MACF1: variants seen among roughly 807,000 people sequenced by gnomAD.
MACF1 encodes microtubule-actin cross-linking factor 1.
A neutral mutation model predicts 854.8 loss-of-function variants in MACF1; 193 were observed. That is an observed-to-expected ratio of 0.23 (90% CI 0.20 to 0.25). The LOEUF is 0.25. Ranked by LOEUF, MACF1 falls within the 10% of genes least tolerant of loss-of-function variation. The pLI is 1.00. For missense variants in MACF1, 7,722 were observed against 8,929.1 expected (o/e 0.86, Z 5.45); for synonymous variants, 3,185 against 3,226.7 (o/e 0.99, Z 0.44).
At chr1:39,187,748 G>A (rs1240394189) in intron 2 of MACF1, among the ~76,000 whole-genome samples, 4 of 151,884 alleles carry the variant, frequency 2.6e-5, no homozygotes, top group African/African-American at 7.3e-5. Context: ...ATGAGATCTC[G>A]CTATGTTGCC....
At chr1:39,427,820 C>G in intron 62 of MACF1, 141 bp from the exon 63 acceptor site, 1 of 905,700 alleles carries the variant, frequency 1.1e-6, no homozygotes. Flanking sequence ...GCTTTTGTTC[C>G]CAATTTTTAT....
Position 39,388,437 on chromosome 1 carries a change from A to C in MACF1, c.15595A>C (p.Lys5199Gln). The change falls in exon 58 of 101, where the codon AAA becomes CAA. Residue 5199 changes from lysine to glutamine, a missense_variant. Physicochemically the swap from Lys to Gln is moderately conservative, Grantham distance 53 (BLOSUM62 1). This residue lies in a region of MACF1 where 2,807 missense variants were observed against 3,235.8 expected (regional missense o/e 0.87). Transcript: ENST00000564288. ...EEGTLDLLGLKRELEALNKQC... is the reference protein window; with the variant it reads ...EEGTLDLLGLQRELEALNKQC... Reference sequence around the variant, plus strand: ...GGGGACTCTGGATTTGTTAGGTCTCAAAAGGGAGCTAGAAGCCCTGAACAA... The same window carrying C: ...GGGGACTCTGGATTTGTTAGGTCTCCAAAGGGAGCTAGAAGCCCTGAACAA... The C allele has an allele frequency of 1.2e-6, 2 of 1,614,114 alleles. No homozygotes were observed. The highest frequency in any genetic ancestry group is 4.5e-5 in the East Asian group (2 of 44,886).
chr1:39,170,457 A>G (rs1408827528), intron 2 of MACF1, among the ~76,000 whole-genome samples: 1 of 152,202 alleles, frequency 6.6e-6, no homozygotes, highest in African/African-American at 2.4e-5. Flanking sequence ...CCAGCAATAA[A>G]CAACACAGAA....
chr1:39,445,950 C>A (rs138551727), intron 80 of MACF1, among the ~76,000 whole-genome samples: 1 of 152,124 alleles, frequency 6.6e-6, no homozygotes, highest in African/African-American at 2.4e-5. Context: ...ACATCAATAA[C>A]CTATCTCCAA....
rs192182984 is a variant in MACF1, at chr1:39,479,232, C to G, written c.21959-566C>G. ...TTGTGCATGGTCTTGATCTCTTTCT[C>G]TCTCCCCACCGACATGTTTACTTCT... On this transcript the variant is annotated intron_variant, in intron 97 of 100. Transcript: ENST00000564288. Among the ~76,000 whole-genome samples, 60 of 152,308 alleles carry G rather than the reference C, an allele frequency of 3.9e-4. 1 individual carries two copies. The highest frequency in any genetic ancestry group is 1.4e-3 in the African/African-American group (59 of 41,562).
rs140357255 is a variant in MACF1, at chr1:39,459,071, T to G, written c.21197-15T>G. 5.2e-5 allele frequency: 83 copies of G among 1,605,640 alleles called. 1 individual carries two copies. The Admixed American group carries it at 1.4e-3, about 27-fold the overall frequency. On this transcript the variant is annotated splice_polypyrimidine_tract_variant and intron_variant, in intron 90 of 100. Coordinates refer to ENST00000564288, the MANE Select transcript of MACF1 (RefSeq NM_001394062.1). The stretch of plus-strand genomic sequence containing the variant: ...TAACCAGCTGTTCTAATCTTGTGAT[T>G]ATTTTTCCTTTTAGGGAAATCCCTA...
At chr1:39,470,305 GT>G (rs1407098149) in intron 97 of MACF1, among the ~76,000 whole-genome samples, 1 of 152,098 alleles carries the variant, frequency 6.6e-6, no homozygotes, top group Non-Finnish European at 1.5e-5. Context: ...GTTTACTACA[GT>G]AAACCAGAGT....
chr1:39,143,954 A>T (rs1366191948), intron 2 of MACF1, among the ~76,000 whole-genome samples: 1 of 150,088 alleles, frequency 6.7e-6, no homozygotes, highest in African/African-American at 2.5e-5. Context: ...TGCCTAGCTA[A>T]TTTTTTTTCA....
intron 58 of MACF1, chr1:39,411,051 C>T: frequency 6.2e-7 from 1 of 1,613,864 alleles, no homozygotes; most frequent in Non-Finnish European, 8.5e-7. Context: ...GGCCGAGGGC[C>T]ACAAAAAGTT....
rs564660357 is a variant in MACF1, at chr1:39,242,695, A to G, written c.172-7319A>G. Among the ~76,000 whole-genome samples the G allele has an allele frequency of 5.4e-5, 8 of 149,430 alleles. No homozygotes were observed. In the South Asian group the frequency reaches 1.7e-3, roughly 32 times the overall value. On this transcript the variant is annotated intron_variant, in intron 2 of 100. Transcript: ENST00000564288. The stretch of plus-strand genomic sequence containing the variant: ...GGCTATAGTGAGCTGTGATCGCGCC[A>G]CTGCACTCTAGCCTGGGTGATGGAA...
At chr1:39,315,456 T>C in intron 26 of MACF1, 57 bp from the exon 27 acceptor site, 1 of 1,549,540 alleles carries the variant, frequency 6.5e-7, no homozygotes, top group Non-Finnish European at 8.9e-7. Flanking sequence ...GTGGACTTCT[T>C]TCTACCTTTT....
At chr1:39,171,782 C>T (rs138900658) in intron 2 of MACF1, among the ~76,000 whole-genome samples, 129 of 152,226 alleles carry the variant, frequency 8.5e-4, no homozygotes, top group African/African-American at 2.8e-3. Flanking sequence ...CCCGCCACCA[C>T]GCCCGGCTAA....
At chr1:39,274,318 A>T (rs1464160762) in intron 6 of MACF1, among the ~76,000 whole-genome samples, 1 of 152,212 alleles carries the variant, frequency 6.6e-6, no homozygotes, top group Non-Finnish European at 1.5e-5. Context: ...AATACTGGTA[A>T]AATTATGATA....
At chr1:39,149,800 C>T (rs1643539076) in intron 2 of MACF1, among the ~76,000 whole-genome samples, 1 of 152,082 alleles carries the variant, frequency 6.6e-6, no homozygotes, top group Non-Finnish European at 1.5e-5. Flanking sequence ...CACTTCTAAG[C>T]CAGACAAAAC....
intron 1 of MACF1, among the ~76,000 whole-genome samples, chr1:39,205,566 A>G (rs554463041): frequency 6.6e-6 from 1 of 152,254 alleles, no homozygotes; most frequent in South Asian, 2.1e-4. Context: ...GTTTCTGTTA[A>G]CTTGGTGTGT....
chr1:39,349,339 A>G (rs541174461), intron 41 of MACF1, 139 bp from the exon 42 acceptor site: 126 of 761,832 alleles, frequency 1.7e-4, no homozygotes, highest in Non-Finnish European at 2.5e-4. Context: ...TATGATTTCT[A>G]TGTCTTTTCC....
At chr1:39,419,593 T>G (rs1402666382) in intron 58 of MACF1, among the ~76,000 whole-genome samples, 1 of 152,230 alleles carries the variant, frequency 6.6e-6, no homozygotes, top group Non-Finnish European at 1.5e-5. Flanking sequence ...AGCTTGTATA[T>G]GAAAGAGATT....
chr1:39,357,712 G>A lies in MACF1; in HGVS notation c.11762G>A (p.Gly3921Glu), dbSNP rs1192834484. ...ETLPSLLKRQ[G>E]SFSEDVISHK... ...CTTCCCTCCCTGCTAAAGCGGCAAG[G>A]AAGCTTCTCAGAGGATGTCATTTCC... The change falls in exon 45 of 101, where the codon GGA becomes GAA. Residue 3921 changes from glycine to glutamate, a missense_variant. Gly to Glu is a moderately conservative substitution (Grantham distance 98, BLOSUM62 -2). Coordinates refer to ENST00000564288, the MANE Select transcript of MACF1 (RefSeq NM_001394062.1). 6.2e-7 allele frequency: 1 copy of A among 1,614,172 alleles called. No homozygotes were observed. Among genetic ancestry groups the A allele is most frequent in the East Asian group, 2.2e-5 (1 of 44,886 alleles).
intron 2 of MACF1, among the ~76,000 whole-genome samples, chr1:39,196,506 C>G (rs1644321688): frequency 6.6e-6 from 1 of 152,164 alleles, no homozygotes; most frequent in South Asian, 2.1e-4. Context: ...AGTTTCAGGG[C>G]CAGGCTTTGA....
Sources: allele counts gnomAD v4.1 joint callset (sites outside exome capture counted in the v4.1 genomes callset), GRCh38; gene constraint gnomAD v4.1.1; regional missense constraint gnomAD v4.1.1; transcripts MANE v1.5; gene names NCBI Gene and HGNC (gene_info 2026-07-23, HGNC 2026-07-21).